The following OSBPL3 variants were observed in gnomAD, a reference collection of about 807,000 sequenced individuals.
OSBPL3 encodes the protein oxysterol binding protein like 3.
In OSBPL3, 65 loss-of-function variants were observed where a neutral mutation model predicts 120.1. That is an observed-to-expected ratio of 0.54 (90% CI 0.44 to 0.67). The LOEUF (loss-of-function observed/expected upper bound fraction) is 0.67. Among genes scored for constraint, OSBPL3 ranks in the 30% least tolerant of loss-of-function variants. The pLI is 0.00. For missense variants in OSBPL3, 1,004 were observed against 1,082.1 expected, an observed-to-expected ratio of 0.93 and a Z score of 1.01; for synonymous variants, 416 against 402.6, an observed-to-expected ratio of 1.03 and a Z score of -0.40.
At chr7:24,832,206 C>CAAA (rs35738897) in intron 15 of OSBPL3, among the ~76,000 whole-genome samples, 12 of 95,616 alleles carry the variant, frequency 1.3e-4, no homozygotes, top group East Asian at 8.7e-4. Context: ...GACCCTGTCT[C>CAAA]AAAAAAAAAA....
Position 24,798,632 on chromosome 7 carries a change from T to G in OSBPL3, c.*1551A>C, listed in dbSNP as rs1791966846. 1 of 152,282 alleles carries G rather than the reference T, an allele frequency of 6.6e-6. No individual in the cohort carries two copies. The highest frequency in any genetic ancestry group is 1.5e-5 in the Non-Finnish European group (1 of 68,044). The allele number at this position is 152,282 out of a possible 1,614,324, so 9.4% of individuals were successfully genotyped here. On this transcript the variant is annotated 3_prime_UTR_variant, in exon 23 of 23. Coordinates refer to ENST00000313367, the MANE Select transcript of OSBPL3 (RefSeq NM_015550.4). This position sits in a 1 kb window ranked among gnomAD's most constrained non-coding sequence, Gnocchi z 4.6. ...CATCCACTTTAAATAACTCTCCATT[T>G]TGAAAATGCAATATTGTCCAACTGG...
rs983154856 is a variant in OSBPL3, at chr7:24,834,557, G to A, written c.1675C>T (p.Leu559Phe). 6.2e-7 allele frequency: 1 copy of A among 1,614,210 alleles called. No individual in the cohort carries two copies. Among genetic ancestry groups the A allele is most frequent in the Non-Finnish European group, 8.5e-7 (1 of 1,180,030 alleles). The change falls in exon 15 of 23, where the codon CTC (leucine) becomes TTC (phenylalanine). Residue 559 changes from leucine to phenylalanine, a missense_variant. By Grantham distance (22) the Leu-to-Phe change is conservative (BLOSUM62 0). This residue lies in a region of OSBPL3 where 473 missense variants were observed against 568.0 expected (regional missense o/e 0.83). Transcript: ENST00000313367. This position sits in a 1 kb window ranked among gnomAD's most constrained non-coding sequence, Gnocchi z 5.2. ...LNEPLNTLQR[L>F]CEELEYSELL... is the part of the protein sequence containing the mutation. The stretch of plus-strand genomic sequence containing the variant: ...TCGCTGTACTCCAGCTCCTCGCAGA[G>A]CCTCTGCAGCGTGTTCAGGGGCTCG...
chr7:24,845,384 T>TA (rs34559902), intron 12 of OSBPL3, among the ~76,000 whole-genome samples: 1,860 of 62,224 alleles, frequency 0.03, 97 homozygotes, highest in Non-Finnish European at 0.04. Context: ...GCAAAATAAG[T>TA]AAAAAAAAAA....
chr7:24,809,013 C>T (rs1003449862), intron 20 of OSBPL3, among the ~76,000 whole-genome samples: 2 of 152,104 alleles, frequency 1.3e-5, no homozygotes, highest in Non-Finnish European at 2.9e-5. Flanking sequence ...AGAATGTATC[C>T]TCACTGATCT....
At position 24,937,113 on chromosome 7, in the gene OSBPL3, G is replaced by A. The variant is rs576946601; in HGVS notation, c.-150+42773C>T. Among the ~76,000 whole-genome samples the A allele has an allele frequency of 6.6e-6, 1 of 152,296 alleles. No homozygotes were observed. Among genetic ancestry groups the A allele is most frequent in the African/African-American group, 2.4e-5 (1 of 41,566 alleles). ...ACTTACAATCATGGCAGAAGGGGAA[G>A]CAAACATGTCCTTCTTCACATGGCG... On this transcript the variant is annotated intron_variant, in intron 1 of 22. Coordinates refer to ENST00000313367, the MANE Select transcript of OSBPL3 (RefSeq NM_015550.4). This position sits in a 1 kb window ranked among gnomAD's most constrained non-coding sequence, Gnocchi z 4.0.
chr7:24,824,474 A>G lies in OSBPL3; in HGVS notation c.1885-4236T>C, dbSNP rs534644991. ...TTCTCCCCTGCAACTGCTCCAAGGC[A>G]TAACTATCCAGTCCTCCTAGGTCCT... is the stretch of plus-strand genomic sequence containing the variant. On this transcript the variant is annotated intron_variant, in intron 16 of 22. Transcript: ENST00000313367. This position sits in a 1 kb window ranked among gnomAD's most constrained non-coding sequence, Gnocchi z 4.9. Among the ~76,000 whole-genome samples, 29 of 152,326 alleles carry G rather than the reference A, an allele frequency of 1.9e-4. No individual in the cohort carries two copies. Among genetic ancestry groups the G allele is most frequent in the African/African-American group, 5.8e-4 (24 of 41,564 alleles).
chr7:24,965,905 GA>G lies in OSBPL3; in HGVS notation c.-150+13980del, dbSNP rs1461384240. On this transcript the variant is annotated intron_variant, in intron 1 of 22. Coordinates refer to ENST00000313367, the MANE Select transcript of OSBPL3 (RefSeq NM_015550.4). The surrounding 1 kb of genome is among the most constrained non-coding windows in gnomAD (Gnocchi z 4.3). Reference sequence around the variant, plus strand: ...GACACTCTGACACTGCTGAGGTTTAGAACCACTTCCCTCAAGGGTGTGTCCC... The same window carrying G: ...GACACTCTGACACTGCTGAGGTTTAGACCACTTCCCTCAAGGGTGTGTCCC... 6.6e-6 allele frequency among the ~76,000 whole-genome samples: 1 copy of G among 152,128 alleles called. No individual in the cohort carries two copies. The highest frequency in any genetic ancestry group is 2.4e-5 in the African/African-American group (1 of 41,412).
At chr7:24,850,445 A>G (rs189222176) in intron 11 of OSBPL3, among the ~76,000 whole-genome samples, 13 of 152,284 alleles carry the variant, frequency 8.5e-5, no homozygotes, top group Non-Finnish European at 1.6e-4. Flanking sequence ...ACTCTTTTCT[A>G]AGAAGCTCTG....
chr7:24,843,513 T>A, intron 12 of OSBPL3, among the ~76,000 whole-genome samples: 1 of 152,156 alleles, frequency 6.6e-6, no homozygotes, highest in Non-Finnish European at 1.5e-5. Flanking sequence ...GATATACCCC[T>A]CAGTCTCATA....
chr7:24,898,399 C>T lies in OSBPL3; in HGVS notation c.-149-5778G>A, dbSNP rs1222327403. ...GATGAGTACTAAGGCTCAGTGTCCA[C>T]AGAAGTCCCTTCTTTAAAGTCTAAC... On this transcript the variant is annotated intron_variant, in intron 1 of 22. Coordinates refer to ENST00000313367, the MANE Select transcript of OSBPL3 (RefSeq NM_015550.4). The surrounding 1 kb of genome is among the most constrained non-coding windows in gnomAD (Gnocchi z 4.3). Among the ~76,000 whole-genome samples the T allele has an allele frequency of 6.6e-6, 1 of 152,194 alleles. No homozygotes were observed. Among genetic ancestry groups the T allele is most frequent in the Non-Finnish European group, 1.5e-5 (1 of 68,040 alleles).
chr7:24,870,896 A>G lies in OSBPL3; in HGVS notation c.268-51T>C, dbSNP rs764749409. 4 of 1,143,394 alleles carry G rather than the reference A, an allele frequency of 3.5e-6. No individual in the cohort carries two copies. The South Asian group carries it at 4.9e-5, about 14-fold the overall frequency. The allele number at this position is 1,143,394 out of a possible 1,614,324, so 70.8% of individuals were successfully genotyped here. The stretch of plus-strand genomic sequence containing the variant: ...TGGGGACCATGGTGTTAGAAGCAGT[A>G]GTCACATCCCTGACACACCCTTCCA... On this transcript the variant is annotated intron_variant, in intron 4 of 22. Coordinates refer to ENST00000313367, the MANE Select transcript of OSBPL3 (RefSeq NM_015550.4).
chr7:24,817,436 G>A lies in OSBPL3; in HGVS notation c.1949-748C>T, dbSNP rs1325935805. Among the ~76,000 whole-genome samples, 3 of 152,158 alleles carry A rather than the reference G, an allele frequency of 2.0e-5. No homozygotes were observed. The highest frequency in any genetic ancestry group is 7.2e-5 in the African/African-American group (3 of 41,420). Reference sequence around the variant, plus strand: ...GGAGGCTGAGGCAGGAACCCAAGAGGTGGAGGTTGCAGTGAGCCAAGATCA... The same window carrying A: ...GGAGGCTGAGGCAGGAACCCAAGAGATGGAGGTTGCAGTGAGCCAAGATCA... On this transcript the variant is annotated intron_variant, in intron 17 of 22. Coordinates refer to ENST00000313367, the MANE Select transcript of OSBPL3 (RefSeq NM_015550.4). This position sits in a 1 kb window ranked among gnomAD's most constrained non-coding sequence, Gnocchi z 4.0.
In OSBPL3 at chr7:24,892,364, A is replaced by T; in HGVS notation, c.96+13T>A. Reference sequence around the variant, plus strand: ...ACATTTGCATATTAAAATTTGCATGAGTTAAACTTTACCTGTCGACTTCCT... The same window carrying T: ...ACATTTGCATATTAAAATTTGCATGTGTTAAACTTTACCTGTCGACTTCCT... On this transcript the variant is annotated intron_variant, in intron 2 of 22. Coordinates refer to ENST00000313367, the MANE Select transcript of OSBPL3 (RefSeq NM_015550.4). 1 of 1,611,708 alleles carries T rather than the reference A, an allele frequency of 6.2e-7. No individual in the cohort carries two copies.
rs1374122119 is a variant in OSBPL3 at position 24,964,374 on chromosome 7, G to A, written c.-150+15512C>T. On this transcript the variant is annotated intron_variant, in intron 1 of 22. Transcript: ENST00000313367. The surrounding 1 kb of genome is among the most constrained non-coding windows in gnomAD (Gnocchi z 4.2). ...CATAACCAAAACTATAAATCATGCT[G>A]CTAACATATACTCTTGATATGATGT... is the stretch of plus-strand genomic sequence containing the variant. Among the ~76,000 whole-genome samples the A allele has an allele frequency of 6.6e-6, 1 of 152,142 alleles. No individual in the cohort carries two copies. Among genetic ancestry groups the A allele is most frequent in the Non-Finnish European group, 1.5e-5 (1 of 68,032 alleles).
chr7:24,886,391 T>C (rs954635631), intron 2 of OSBPL3, among the ~76,000 whole-genome samples: 1 of 152,234 alleles, frequency 6.6e-6, no homozygotes, highest in Non-Finnish European at 1.5e-5. Context: ...AGAACATTTA[T>C]GGATGCCATC....
Position 24,873,375 on chromosome 7 carries a change from T to C in OSBPL3, c.97-1306A>G, listed in dbSNP as rs1372837916. 6.6e-6 allele frequency among the ~76,000 whole-genome samples: 1 copy of C among 152,220 alleles called. No homozygotes were observed. The highest frequency in any genetic ancestry group is 2.4e-5 in the African/African-American group (1 of 41,460). ...TCAATACGTGGGACCCACCTGGTAA[T>C]GAGAACCCTTTCCTACGTTAGCAAC... On this transcript the variant is annotated intron_variant, in intron 2 of 22. Transcript: ENST00000313367. This position sits in a 1 kb window ranked among gnomAD's most constrained non-coding sequence, Gnocchi z 4.1.
rs534382032 is a variant in OSBPL3, at chr7:24,844,872, C to G, written c.1267-2459G>C. Reference sequence around the variant, plus strand: ...ATTTTGAAAAACTGGGATAAACAGTCTACATATTGTCTGCTCCATTCACTA... The same window carrying G: ...ATTTTGAAAAACTGGGATAAACAGTGTACATATTGTCTGCTCCATTCACTA... On this transcript the variant is annotated intron_variant, in intron 12 of 22. Transcript: ENST00000313367. Among the ~76,000 whole-genome samples, 28 of 152,170 alleles carry G rather than the reference C, an allele frequency of 1.8e-4. No individual in the cohort carries two copies. In the South Asian group the frequency reaches 5.8e-3, roughly 32 times the overall value.
intron 20 of OSBPL3, among the ~76,000 whole-genome samples, chr7:24,807,492 T>C (rs1024196165): frequency 1.5e-5 from 2 of 136,668 alleles, no homozygotes; most frequent in Admixed American, 1.5e-4. Flanking sequence ...AAACTCCATC[T>C]CAAAAATAAT....
chr7:24,892,046 C>T (rs1302123955), intron 2 of OSBPL3, among the ~76,000 whole-genome samples: 3 of 152,158 alleles, frequency 2.0e-5, no homozygotes, highest in Admixed American at 6.5e-5. Flanking sequence ...TCTTTCTTTG[C>T]TCCTTATTAG....
Sources: allele counts gnomAD v4.1 joint callset (sites outside exome capture counted in the v4.1 genomes callset), GRCh38; gene constraint gnomAD v4.1.1; regional missense constraint gnomAD v4.1.1; non-coding constraint Gnocchi (gnomAD v3.1); transcripts MANE v1.5; gene names NCBI Gene and HGNC (gene_info 2026-07-23, HGNC 2026-07-21).